The following FCHO2 variants were observed in gnomAD, a reference collection of about 807,000 sequenced individuals.
FCHO2 encodes FCH and mu domain containing endocytic adaptor 2.
In FCHO2, 43 loss-of-function variants were observed where a neutral mutation model predicts 114.1. The observed-to-expected ratio is 0.38, with a 90% CI of 0.30 to 0.49. FCHO2 has a LOEUF of 0.49. Ranked by LOEUF, FCHO2 falls within the 20% of genes least tolerant of loss-of-function variation. FCHO2 has a pLI of 0.97. For synonymous variants in FCHO2, 293 were observed against 315.2 expected (o/e 0.93, Z 0.75); for missense variants, 807 against 950.4 (o/e 0.85, Z 1.98).
At chr5:73,070,010 C>G (rs749692085) in intron 19 of FCHO2, among the ~76,000 whole-genome samples, 1 of 152,062 alleles carries the variant, frequency 6.6e-6, no homozygotes, top group Non-Finnish European at 1.5e-5. Context: ...TTTCACTAAC[C>G]GAGCACTAAT....
At chr5:73,073,010 A>AG (rs1040819169) in intron 19 of FCHO2, among the ~76,000 whole-genome samples, 18 of 152,108 alleles carry the variant, frequency 1.2e-4, no homozygotes, top group African/African-American at 2.4e-5. Context: ...ACAATATATT[A>AG]GGGAAAAAAG....
intron 5 of FCHO2, among the ~76,000 whole-genome samples, chr5:72,994,926 G>A (rs1204943749): frequency 6.6e-6 from 1 of 152,056 alleles, no homozygotes; most frequent in Non-Finnish European, 1.5e-5. Context: ...AACACATAGA[G>A]AGGAACAACA....
intron 18 of FCHO2, 72 bp downstream of exon 18, chr5:73,064,016 C>A: frequency 1.5e-6 from 2 of 1,367,052 alleles, no homozygotes; most frequent in Non-Finnish European, 2.0e-6. Context: ...TTTCTATATG[C>A]CCTTTTACAG....
chr5:73,054,151 T>G lies in FCHO2; in HGVS notation c.1174-9T>G, dbSNP rs1264662804. 1 of 1,507,160 alleles carries G rather than the reference T, an allele frequency of 6.6e-7. No homozygotes were observed. The highest frequency in any genetic ancestry group is 1.3e-5 in the South Asian group (1 of 76,260). 93.4% of individuals were successfully genotyped at this position (1,507,160 alleles called of 1,614,324 possible). On this transcript the variant is annotated splice_polypyrimidine_tract_variant and intron_variant, in intron 13 of 25. Coordinates refer to ENST00000430046, the MANE Select transcript of FCHO2 (RefSeq NM_138782.3). ...AACCTAATTTTCTTTTTCTTCCATG[T>G]ACTACTAGAGACACAGTCCAGTAAG...
chr5:72,990,892 T>C, intron 5 of FCHO2, 28 bp downstream of exon 5: 1 of 1,525,118 alleles, frequency 6.6e-7, no homozygotes, highest in Non-Finnish European at 8.8e-7. Context: ...TACATATCTG[T>C]GGTTTCAAAG....
At chr5:72,956,202 G>T in intron 1 of FCHO2, 73 bp downstream of exon 1, 2 of 1,472,550 alleles carry the variant, frequency 1.4e-6, no homozygotes, top group South Asian at 2.5e-5. Context: ...GCCTGCGTGC[G>T]CTTCGGGCGG....
At chr5:73,051,898 T>G (rs1054634543) in intron 12 of FCHO2, among the ~76,000 whole-genome samples, 3 of 151,930 alleles carry the variant, frequency 2.0e-5, no homozygotes, top group African/African-American at 7.3e-5. Flanking sequence ...TAAAAGTTAG[T>G]AGTCTTATTT....
intron 11 of FCHO2, among the ~76,000 whole-genome samples, chr5:73,046,668 C>T (rs548892399): frequency 6.6e-6 from 1 of 152,152 alleles, no homozygotes; most frequent in Non-Finnish European, 1.5e-5. Context: ...GCAAAGTTTC[C>T]TTATTTTTAA....
chr5:73,077,289 T>C (rs1381574109), intron 20 of FCHO2, 49 bp from the exon 21 acceptor site: 2 of 1,512,606 alleles, frequency 1.3e-6, no homozygotes, highest in East Asian at 2.4e-5. Flanking sequence ...ATACTTTAAA[T>C]AGAGATTAGA....
intron 22 of FCHO2, among the ~76,000 whole-genome samples, chr5:73,080,673 T>C (rs917429032): frequency 1.3e-5 from 2 of 150,520 alleles, no homozygotes. Flanking sequence ...AATGGCTTGT[T>C]TCTAGAAAAA....
rs563440614 is a variant in FCHO2 at position 73,009,701 on chromosome 5, TA to T, written c.600+3154del. Among the ~76,000 whole-genome samples the T allele has an allele frequency of 3.7e-3, 564 of 152,312 alleles. 2 individuals are homozygous for T. Among genetic ancestry groups the T allele is most frequent in the African/African-American group, 0.013 (535 of 41,564 alleles). On this transcript the variant is annotated intron_variant, in intron 6 of 25. Transcript: ENST00000430046. The stretch of plus-strand genomic sequence containing the variant: ...GCAGGTGTGCACCATCATGTCCAGC[TA>T]ATTTTTGTATTTTTAGTAGAGACAG...
At chr5:72,975,850 GTAC>G (rs1053840134) in intron 2 of FCHO2, among the ~76,000 whole-genome samples, 63 of 152,224 alleles carry the variant, frequency 4.1e-4, no homozygotes, top group African/African-American at 1.3e-3. Context: ...TTGTCTGGAT[GTAC>G]TACATTTTAT....
chr5:72,993,491 C>T (rs987814253), intron 5 of FCHO2, among the ~76,000 whole-genome samples: 1 of 152,076 alleles, frequency 6.6e-6, no homozygotes, highest in African/African-American at 2.4e-5. Flanking sequence ...CAAGAGCCCT[C>T]ATATTGAAAG....
chr5:73,075,101 CT>C (rs1232533999), intron 20 of FCHO2, among the ~76,000 whole-genome samples: 1 of 152,122 alleles, frequency 6.6e-6, no homozygotes, highest in Non-Finnish European at 1.5e-5. Flanking sequence ...ACTGAGGATA[CT>C]TTAGTAAACA....
intron 17 of FCHO2, among the ~76,000 whole-genome samples, chr5:73,062,972 G>C (rs1348462901): frequency 6.6e-6 from 1 of 151,992 alleles, no homozygotes; most frequent in African/African-American, 2.4e-5. Flanking sequence ...ATTATAGCCT[G>C]TATTTTAGTG....
rs772950015 is a variant in FCHO2, at chr5:73,077,448, T to C, written c.1802T>C (p.Ile601Thr). The C allele has an allele frequency of 3.1e-6, 5 of 1,603,170 alleles. No individual in the cohort carries two copies. The East Asian group carries it at 6.7e-5, about 22-fold the overall frequency. ...PAVLCFRVKN[I>T]SRLEQILPNA... ...GTGTTGTGCTTCAGGGTGAAAAATA[T>C]CAGCAGACTAGAGCAGATTCTTCCA... Residue 601 changes from isoleucine to threonine, a missense_variant, in exon 21 of 26, where the codon ATC becomes ACC. Ile to Thr is a moderately conservative substitution (Grantham distance 89). Coordinates refer to ENST00000430046, the MANE Select transcript of FCHO2 (RefSeq NM_138782.3).
chr5:72,994,482 A>G (rs898090735), intron 5 of FCHO2, among the ~76,000 whole-genome samples: 3 of 152,210 alleles, frequency 2.0e-5, no homozygotes, highest in Non-Finnish European at 4.4e-5. Flanking sequence ...GTCAAATAAC[A>G]GATGCTGGCA....
chr5:73,017,336 A>G, intron 8 of FCHO2, 28 bp downstream of exon 8: 2 of 1,422,884 alleles, frequency 1.4e-6, no homozygotes, highest in South Asian at 2.7e-5. Flanking sequence ...GCAAGGAAAC[A>G]TTTTAAATTT....
At chr5:73,020,690 C>T in intron 8 of FCHO2, 2 of 1,187,066 alleles carry the variant, frequency 1.7e-6, no homozygotes, top group African/African-American at 1.5e-5. Context: ...AGTTTGGTCT[C>T]TGTCCTTTAG....
Sources: gnomAD v4.1 joint callset for allele counts (sites outside exome capture counted in the v4.1 genomes callset) on GRCh38, gnomAD v4.1.1 for gene constraint, MANE v1.5 for transcripts, NCBI Gene and HGNC (gene_info 2026-07-23, HGNC 2026-07-21) for gene names.